The following LRP1B variants were observed in gnomAD, a reference collection of about 807,000 sequenced individuals.
The protein encoded by LRP1B is low-density lipoprotein receptor-related protein 1B.
Under a neutral mutation model 556.6 loss-of-function variants are expected in LRP1B, and 217 were observed. The ratio of observed to expected loss-of-function variants is 0.39; its 90% CI spans 0.35 to 0.44. The LOEUF (loss-of-function observed/expected upper bound fraction) is 0.44. Ranked by LOEUF, LRP1B falls within the 20% of genes least tolerant of loss-of-function variation. The probability of loss-of-function intolerance (pLI) is 1.00; values close to 1 mark genes in which losing one functional copy is unlikely to be tolerated. For synonymous variants in LRP1B, 2,047 were observed against 1,865.8 expected, an observed-to-expected ratio of 1.10 and a Z score of -2.50; for missense variants, 5,053 against 5,620.8, an observed-to-expected ratio of 0.90 and a Z score of 3.23.
intron 6 of LRP1B, among the ~76,000 whole-genome samples, chr2:141,219,930 A>T (rs1381628944): frequency 6.6e-6 from 1 of 152,192 alleles, no homozygotes; most frequent in Non-Finnish European, 1.5e-5. Context: ...CCCCATCAGC[A>T]GCTTCAAAAT....
chr2:141,065,213 T>A (rs949759906), intron 7 of LRP1B, among the ~76,000 whole-genome samples: 1 of 151,944 alleles, frequency 6.6e-6, no homozygotes, highest in East Asian at 1.9e-4. Flanking sequence ...TATATACTCA[T>A]TGAGCCACTT....
At chr2:140,402,303 C>T (rs1251855965) in intron 66 of LRP1B, among the ~76,000 whole-genome samples, 1 of 152,172 alleles carries the variant, frequency 6.6e-6, no homozygotes, top group Non-Finnish European at 1.5e-5. Context: ...CAGGGAAAAT[C>T]TGCAGCTTTA....
chr2:141,442,500 T>C (rs527382151), intron 3 of LRP1B, among the ~76,000 whole-genome samples: 24 of 151,748 alleles, frequency 1.6e-4, no homozygotes, highest in Middle Eastern at 3.4e-3. Context: ...TACATAGTTA[T>C]ACAAGTGCCA....
At chr2:140,301,303 T>G (rs1683809885) in intron 83 of LRP1B, among the ~76,000 whole-genome samples, 1 of 151,260 alleles carries the variant, frequency 6.6e-6, no homozygotes, top group South Asian at 2.1e-4. Flanking sequence ...ATCCTTGAGC[T>G]TCTTCAAAAG....
At chr2:140,784,461 T>C (rs557031616) in intron 32 of LRP1B, among the ~76,000 whole-genome samples, 58 of 150,568 alleles carry the variant, frequency 3.9e-4, no homozygotes, top group African/African-American at 1.4e-3. Context: ...TGTTTATCAT[T>C]ACTTAAGGTC....
chr2:141,831,787 A>C (rs1183655063), intron 1 of LRP1B, among the ~76,000 whole-genome samples: 1 of 151,686 alleles, frequency 6.6e-6, no homozygotes, highest in Non-Finnish European at 1.5e-5. Context: ...TGGCATGCAC[A>C]GTGGGGGCGC....
intron 2 of LRP1B, among the ~76,000 whole-genome samples, chr2:141,694,598 C>G (rs997702546): frequency 6.6e-6 from 1 of 151,102 alleles, no homozygotes; most frequent in African/African-American, 2.4e-5. Context: ...TAGGAAATCT[C>G]TAAAATCACA....
At chr2:141,658,326 C>T (rs1241241807) in intron 2 of LRP1B, among the ~76,000 whole-genome samples, 2 of 152,186 alleles carry the variant, frequency 1.3e-5, no homozygotes, top group Non-Finnish European at 2.9e-5. Context: ...AATATCTCCA[C>T]AGGAGTTAGT....
In LRP1B at chr2:141,353,379, A is replaced by G. The variant is rs547333038; in HGVS notation, c.344-98738T>C. Among the ~76,000 whole-genome samples, 96 of 152,118 alleles carry G rather than the reference A, an allele frequency of 6.3e-4. 1 individual carries two copies. The highest frequency in any genetic ancestry group is 2.1e-3 in the African/African-American group (89 of 41,542). On this transcript the variant is annotated intron_variant, in intron 3 of 90. Transcript: ENST00000389484. ...CCAGCCACCCAGCTTACATAAGACT[A>G]TAAAATAAGAGAGAATTAAACTGTT...
In LRP1B at chr2:140,296,881, T is replaced by C. The variant is rs915252322; in HGVS notation, c.12967+927A>G. 8.5e-5 allele frequency among the ~76,000 whole-genome samples: 13 copies of C among 152,132 alleles called. No individual in the cohort carries two copies. The South Asian group carries it at 2.3e-3, about 27-fold the overall frequency. ...CAAAGAAAAAATATAAATAGAAGAA[T>C]TGTGGACAACAACTATATTTTCAAG... On this transcript the variant is annotated intron_variant, in intron 84 of 90. Coordinates refer to ENST00000389484, the MANE Select transcript of LRP1B (RefSeq NM_018557.3).
intron 3 of LRP1B, among the ~76,000 whole-genome samples, chr2:141,329,046 C>A (rs1032340733): frequency 2.6e-5 from 4 of 152,104 alleles, no homozygotes; most frequent in Non-Finnish European, 5.9e-5. Flanking sequence ...ATGACCATAT[C>A]ATAAAAATAT....
chr2:141,518,122 T>TA (rs56316293), intron 2 of LRP1B, among the ~76,000 whole-genome samples: 34,675 of 150,342 alleles, frequency 0.23, 4,986 homozygotes, highest in East Asian at 0.48. Flanking sequence ...AGGTTATCTT[T>TA]AAAAAAAAAA....
intron 82 of LRP1B, among the ~76,000 whole-genome samples, chr2:140,319,713 C>T (rs553700235): frequency 6.6e-6 from 1 of 152,218 alleles, no homozygotes; most frequent in East Asian, 1.9e-4. Flanking sequence ...GAGTTTACCT[C>T]TATGACGCAG....
intron 7 of LRP1B, among the ~76,000 whole-genome samples, chr2:141,186,283 T>C (rs1681256893): frequency 6.7e-6 from 1 of 148,300 alleles, no homozygotes; most frequent in African/African-American, 2.4e-5. Context: ...TCCTGTAAAA[T>C]TAGGAAAACC....
chr2:140,336,626 CATT>C (rs1240277566), intron 77 of LRP1B, among the ~76,000 whole-genome samples: 8 of 151,854 alleles, frequency 5.3e-5, no homozygotes, highest in African/African-American at 1.9e-4. Flanking sequence ...TGGCTAGACA[CATT>C]TAGGGTAATA....
In LRP1B at chr2:140,334,446, AT is replaced by A; in HGVS notation, c.12223+6del. ...CTTCATATTTTAGCGTGTGTCAGAAATCATACCTGTGGGTCTCTGTAAGTTC... is the reference window on the plus strand; with the variant it reads ...CTTCATATTTTAGCGTGTGTCAGAAACATACCTGTGGGTCTCTGTAAGTTC... On this transcript the variant is annotated splice_donor_region_variant and intron_variant, in intron 79 of 90. Coordinates refer to ENST00000389484, the MANE Select transcript of LRP1B (RefSeq NM_018557.3). The A allele has an allele frequency of 6.4e-7, 1 of 1,559,834 alleles. No homozygotes were observed. Among genetic ancestry groups the A allele is most frequent in the Non-Finnish European group, 8.8e-7 (1 of 1,131,318 alleles).
chr2:140,750,165 C>A (rs1440150311), intron 35 of LRP1B, among the ~76,000 whole-genome samples: 1 of 151,990 alleles, frequency 6.6e-6, no homozygotes, highest in Non-Finnish European at 1.5e-5. Flanking sequence ...ATAATGTAGT[C>A]CTTTTTTCAT....
intron 80 of LRP1B, 56 bp from the exon 81 acceptor site, chr2:140,324,122 A>T (rs1173013869): frequency 7.4e-6 from 8 of 1,076,110 alleles, no homozygotes; most frequent in Non-Finnish European, 1.1e-5. Context: ...CAGACTTTAA[A>T]AACTATGTTT....
At chr2:141,791,881 G>T (rs1270417068) in intron 2 of LRP1B, among the ~76,000 whole-genome samples, 1 of 151,998 alleles carries the variant, frequency 6.6e-6, no homozygotes, top group African/African-American at 2.4e-5. Context: ...CAGCTAGTCA[G>T]TAGATCATGG....
Sources: gnomAD v4.1 joint callset for allele counts (sites outside exome capture counted in the v4.1 genomes callset) on GRCh38, gnomAD v4.1.1 for gene constraint, MANE v1.5 for transcripts, NCBI Gene and HGNC (gene_info 2026-07-23, HGNC 2026-07-21) for gene names.